KIAA0232: variants seen among roughly 807,000 people sequenced by gnomAD.
The protein encoded by KIAA0232 is KIAA0232.
KIAA0232 carries 27 observed loss-of-function variants against 122.0 expected under a neutral mutation model. That is an observed-to-expected ratio of 0.22 (90% CI 0.16 to 0.31). The LOEUF (loss-of-function observed/expected upper bound fraction) is 0.31. KIAA0232 is among the 10% of genes least tolerant of loss of function. The pLI, the probability that KIAA0232 is intolerant of heterozygous loss-of-function variation, is 1.00. For synonymous variants in KIAA0232, 613 were observed against 587.6 expected (o/e 1.04, Z -0.63); for missense variants, 1,551 against 1,634.2 (o/e 0.95, Z 0.88).
At chr4:6,848,605 G>A (rs1195639042) in intron 4 of KIAA0232, among the ~76,000 whole-genome samples, 2 of 152,188 alleles carry the variant, frequency 1.3e-5, no homozygotes, top group African/African-American at 4.8e-5. Flanking sequence ...TTTATATAAG[G>A]AACTTGAACA....
intron 4 of KIAA0232, among the ~76,000 whole-genome samples, chr4:6,853,127 T>G (rs1478284681): frequency 6.6e-6 from 1 of 152,218 alleles, no homozygotes; most frequent in Non-Finnish European, 1.5e-5. Context: ...CCCATCCCTT[T>G]CTGGTGCCTG....
intron 9 of KIAA0232, among the ~76,000 whole-genome samples, chr4:6,879,445 A>G (rs967934845): frequency 1.5e-4 from 22 of 150,522 alleles, no homozygotes; most frequent in Non-Finnish European, 4.4e-5. Context: ...ACAGATCCAA[A>G]CTCCCCGCCA....
intron 7 of KIAA0232, among the ~76,000 whole-genome samples, chr4:6,869,548 C>G (rs1445271952): frequency 1.3e-5 from 2 of 152,214 alleles, no homozygotes; most frequent in African/African-American, 4.8e-5. Context: ...AAGCCCAGCC[C>G]TGTCCATTCC....
chr4:6,803,395 C>T (rs1235129286), intron 1 of KIAA0232, among the ~76,000 whole-genome samples: 3 of 152,046 alleles, frequency 2.0e-5, no homozygotes, highest in Non-Finnish European at 2.9e-5. Flanking sequence ...GAATGCCAAA[C>T]ATTGAAACAT....
In KIAA0232 at chr4:6,883,288, G is replaced by A. The variant is rs994194508; in HGVS notation, c.*2322G>A. 2.0e-5 allele frequency: 3 copies of A among 152,554 alleles called. No homozygotes were observed. The highest frequency in any genetic ancestry group is 1.3e-4 in the Admixed American group (2 of 15,272). The allele number at this position is 152,554 out of a possible 1,614,324, so 9.5% of individuals were successfully genotyped here. A position where few individuals can be genotyped will look rare whatever the true frequency, so the allele number is the denominator to read the frequency against. On this transcript the variant is annotated 3_prime_UTR_variant, in exon 10 of 10. Transcript: ENST00000307659. ...GTTTTTCCCGTGGTTGTATTGTTCT[G>A]ATTTCACGTACACCAGAGTAACTGA...
chr4:6,869,667 ATTC>A (rs1197988008), intron 7 of KIAA0232, among the ~76,000 whole-genome samples: 7 of 152,382 alleles, frequency 4.6e-5, no homozygotes, highest in African/African-American at 1.4e-4. Flanking sequence ...AGACAGTACA[ATTC>A]TTCTTCAGTT....
At chr4:6,822,712 T>A (rs1179886440) in intron 2 of KIAA0232, among the ~76,000 whole-genome samples, 1 of 151,956 alleles carries the variant, frequency 6.6e-6, no homozygotes, top group African/African-American at 2.4e-5. Context: ...TGAAAGTGTG[T>A]CATCTGTCAT....
In KIAA0232 at chr4:6,862,969, G is replaced by A. The variant is rs761130239; in HGVS notation, c.2587G>A (p.Asp863Asn). Reference protein sequence around the residue: ...ADVNNYCCCLDAEAELETLQE... With the variant: ...ADVNNYCCCLNAEAELETLQE... Reference sequence around the variant, plus strand: ...TGTAAATAACTACTGCTGCTGTCTAGATGCTGAAGCTGAACTGGAGACCCT... The same window carrying A: ...TGTAAATAACTACTGCTGCTGTCTAAATGCTGAAGCTGAACTGGAGACCCT... The change falls in exon 7 of 10, where the codon GAT becomes AAT. Residue 863 changes from aspartate to asparagine, a missense_variant. Asp to Asn is a conservative substitution (Grantham distance 23). This residue lies in a region of KIAA0232 where 1,108 missense variants were observed against 1,154.8 expected (regional missense o/e 0.96). Transcript: ENST00000307659. 18 of 1,614,250 alleles carry A rather than the reference G, an allele frequency of 1.1e-5. No individual in the cohort carries two copies. Among genetic ancestry groups the A allele is most frequent in the Non-Finnish European group, 1.5e-5 (18 of 1,180,040 alleles).
At chr4:6,836,487 A>G (rs369878272) in intron 3 of KIAA0232, among the ~76,000 whole-genome samples, 53 of 96,960 alleles carry the variant, frequency 5.5e-4, no homozygotes, top group Admixed American at 1.6e-3. Flanking sequence ...TTCTCACTCT[A>G]TTGTGCTTAA....
At chr4:6,834,751 T>C (rs771710131) in intron 3 of KIAA0232, among the ~76,000 whole-genome samples, 40 of 152,164 alleles carry the variant, frequency 2.6e-4, no homozygotes, top group Non-Finnish European at 5.0e-4. Context: ...AATAATAAAT[T>C]TTAAGAAACT....
intron 2 of KIAA0232, among the ~76,000 whole-genome samples, chr4:6,816,625 G>C (rs1393556181): frequency 6.6e-6 from 1 of 152,110 alleles, no homozygotes; most frequent in Non-Finnish European, 1.5e-5. Context: ...TCAGTTTAAT[G>C]CTGTCTTCAT....
rs771347490 is a variant in KIAA0232 at position 6,862,910 on chromosome 4, TAGAA to T, written c.2533_2536del (p.Arg845LeufsTer10). 1 of 1,614,162 alleles carries T rather than the reference TAGAA, an allele frequency of 6.2e-7. No individual in the cohort carries two copies. The highest frequency in any genetic ancestry group is 8.5e-7 in the Non-Finnish European group (1 of 1,180,006). On this transcript the variant is annotated frameshift_variant, in exon 7 of 10. Transcript: ENST00000307659. LOFTEE classifies it high-confidence loss of function. The stretch of plus-strand genomic sequence containing the variant: ...ACAAATTCTGTGGCTACAGTAGAAA[TAGAA>T]AGAACTGATGCTGAGTTGTTTTCGG...
At chr4:6,846,256 C>T (rs1047463012) in intron 4 of KIAA0232, among the ~76,000 whole-genome samples, 1 of 152,166 alleles carries the variant, frequency 6.6e-6, no homozygotes, top group Non-Finnish European at 1.5e-5. Flanking sequence ...GTCCCAGTCC[C>T]TGCTCCAGAG....
At chr4:6,795,023 G>C (rs1246738583) in intron 1 of KIAA0232, among the ~76,000 whole-genome samples, 1 of 152,128 alleles carries the variant, frequency 6.6e-6, no homozygotes, top group Non-Finnish European at 1.5e-5. Context: ...GACTAGAAGA[G>C]GTAAGCCAGA....
intron 1 of KIAA0232, among the ~76,000 whole-genome samples, chr4:6,793,481 A>C (rs985454555): frequency 7.2e-5 from 11 of 152,360 alleles, no homozygotes; most frequent in African/African-American, 2.6e-4. Flanking sequence ...GAAACAGCCT[A>C]AGTTTCAGTG....
chr4:6,822,779 T>A lies in KIAA0232; in HGVS notation c.-269-1406T>A, dbSNP rs78626560. Among the ~76,000 whole-genome samples, 169 of 151,654 alleles carry A rather than the reference T, an allele frequency of 1.1e-3. 1 individual carries two copies. Among genetic ancestry groups the A allele is most frequent in the Non-Finnish European group, 1.7e-3 (116 of 67,854 alleles). On this transcript the variant is annotated intron_variant, in intron 2 of 9. Transcript: ENST00000307659. ...GAAGACAAGTTTCTTTTTTTTTTTT[T>A]AATTTATTATTATTATACTTTAAGT...
chr4:6,791,140 G>A (rs1460176609), intron 1 of KIAA0232, among the ~76,000 whole-genome samples: 10 of 150,132 alleles, frequency 6.7e-5, no homozygotes, highest in South Asian at 2.1e-4. Context: ...GGCTGGTCTC[G>A]AACTCCTGAG....
chr4:6,863,989 T>A lies in KIAA0232; in HGVS notation c.3607T>A (p.Ser1203Thr), dbSNP rs1447496206. 6.2e-7 allele frequency: 1 copy of A among 1,614,006 alleles called. No individual in the cohort carries two copies. Among genetic ancestry groups the A allele is most frequent in the African/African-American group, 1.3e-5 (1 of 74,922 alleles). ...DSQEESTGIL[S>T]VGKQNQCLEC... ...CCAGGAGGAATCAACTGGGATTCTT[T>A]CAGTAGGAAAGCAAAATCAGTGTTT... The change falls in exon 7 of 10, where the codon TCA becomes ACA. Residue 1203 changes from serine to threonine, a missense_variant. This residue lies in a region of KIAA0232 where 1,108 missense variants were observed against 1,154.8 expected (regional missense o/e 0.96). Coordinates refer to ENST00000307659, the MANE Select transcript of KIAA0232 (RefSeq NM_014743.3).
At position 6,862,791 on chromosome 4, in the gene KIAA0232, A is replaced by G. The variant is rs756711529; in HGVS notation, c.2409A>G (p.Lys803=). 2 of 1,614,006 alleles carry G rather than the reference A, an allele frequency of 1.2e-6. No homozygotes were observed. The highest frequency in any genetic ancestry group is 1.7e-5 in the Admixed American group (1 of 59,996). Residue 803 remains lysine, a synonymous_variant, in exon 7 of 10, where the codon AAA becomes AAG. Coordinates refer to ENST00000307659, the MANE Select transcript of KIAA0232 (RefSeq NM_014743.3). ...GIQLEQKTEN[K]NFETTQVCNE... Reference sequence around the variant, plus strand: ...AGCTAGAACAAAAAACAGAAAACAAAAATTTTGAAACTACACAAGTATGTA... The same window carrying G: ...AGCTAGAACAAAAAACAGAAAACAAGAATTTTGAAACTACACAAGTATGTA...
Sources: allele counts gnomAD v4.1 joint callset (sites outside exome capture counted in the v4.1 genomes callset), GRCh38; gene constraint gnomAD v4.1.1; regional missense constraint gnomAD v4.1.1; transcripts MANE v1.5; gene names NCBI Gene and HGNC (gene_info 2026-07-23, HGNC 2026-07-21).